Variants in LCLAT1 observed in about 807,000 individuals in gnomAD.
LCLAT1 encodes the protein 1-AGP acyltransferase 8.
LCLAT1 carries 11 observed loss-of-function variants against 30.7 expected under a neutral mutation model. That is an observed-to-expected ratio of 0.36 (90% confidence interval 0.23 to 0.59). The LOEUF (loss-of-function observed/expected upper bound fraction) is 0.59, where lower values mean the gene tolerates loss of function less well. Among genes scored for constraint, LCLAT1 ranks in the 20% least tolerant of loss-of-function variants. The pLI, the probability that LCLAT1 is intolerant of heterozygous loss-of-function variation, is 0.77. For synonymous variants in LCLAT1, 155 were observed against 151.3 expected (o/e 1.02, Z -0.18); for missense variants, 402 against 458.6 (o/e 0.88, Z 1.13).
chr2:30,455,309 A>G (rs764049919), intron 1 of LCLAT1, among the ~76,000 whole-genome samples: 14 of 152,074 alleles, frequency 9.2e-5, no homozygotes, highest in Non-Finnish European at 2.1e-4. Flanking sequence ...AGATGGGGAG[A>G]TATTTATACT....
chr2:30,538,033 A>G (rs1663881603), intron 3 of LCLAT1, among the ~76,000 whole-genome samples: 1 of 152,198 alleles, frequency 6.6e-6, no homozygotes, highest in African/African-American at 2.4e-5. Context: ...GAAGCAAATG[A>G]AAATAGAAAC....
At chr2:30,532,723 T>TA (rs1686042195) in intron 2 of LCLAT1, among the ~76,000 whole-genome samples, 1 of 148,336 alleles carries the variant, frequency 6.7e-6, no homozygotes, top group South Asian at 2.1e-4. Flanking sequence ...CTTTCCGGGA[T>TA]TTTTTTTTTT....
At chr2:30,608,393 T>C (rs1667567793) in intron 5 of LCLAT1, among the ~76,000 whole-genome samples, 1 of 152,022 alleles carries the variant, frequency 6.6e-6, no homozygotes, top group Admixed American at 6.6e-5. Context: ...ATAAATTTAG[T>C]GTAGCCTAAG....
chr2:30,460,337 T>C (rs1455224586), intron 1 of LCLAT1, among the ~76,000 whole-genome samples: 1 of 152,220 alleles, frequency 6.6e-6, no homozygotes, highest in Non-Finnish European at 1.5e-5. Flanking sequence ...CATATTCAGT[T>C]ACCTGCCAGG....
At chr2:30,618,767 T>G (rs1034820302) in intron 5 of LCLAT1, among the ~76,000 whole-genome samples, 2 of 152,218 alleles carry the variant, frequency 1.3e-5, no homozygotes, top group Non-Finnish European at 2.9e-5. Flanking sequence ...AGAAATAGAT[T>G]TAATAATGAA....
chr2:30,493,983 C>G (rs1422001047), intron 1 of LCLAT1, among the ~76,000 whole-genome samples: 1 of 151,636 alleles, frequency 6.6e-6, no homozygotes, highest in African/African-American at 2.4e-5. Context: ...TGAGATCCTC[C>G]CATCTCTACA....
At chr2:30,472,665 G>A (rs926448405) in intron 1 of LCLAT1, among the ~76,000 whole-genome samples, 3 of 152,172 alleles carry the variant, frequency 2.0e-5, no homozygotes, top group Non-Finnish European at 4.4e-5. Context: ...TATGCAAAAT[G>A]TTTATGGTAG....
chr2:30,494,733 A>T (rs943783603), intron 1 of LCLAT1, among the ~76,000 whole-genome samples: 3 of 151,008 alleles, frequency 2.0e-5, no homozygotes, highest in Non-Finnish European at 4.4e-5. Context: ...AAGGGATGCC[A>T]TGTCTTCTTA....
chr2:30,554,662 G>A (rs926359329), intron 3 of LCLAT1, among the ~76,000 whole-genome samples: 5 of 152,186 alleles, frequency 3.3e-5, no homozygotes, highest in Non-Finnish European at 7.4e-5. Context: ...TAAGCACACA[G>A]TAAACCTTTT....
At chr2:30,451,320 G>T (rs1000929783) in intron 1 of LCLAT1, among the ~76,000 whole-genome samples, 1 of 152,164 alleles carries the variant, frequency 6.6e-6, no homozygotes, top group Admixed American at 6.5e-5. Flanking sequence ...TATTGTTGGT[G>T]GGGATGTCAA....
intron 5 of LCLAT1, among the ~76,000 whole-genome samples, chr2:30,589,571 C>T (rs558850969): frequency 4.6e-5 from 7 of 152,156 alleles, no homozygotes; most frequent in African/African-American, 1.7e-4. Context: ...GAATGTCTTT[C>T]TCCTGTTCAT....
At chr2:30,616,301 A>G (rs1282982239) in intron 5 of LCLAT1, among the ~76,000 whole-genome samples, 1 of 152,162 alleles carries the variant, frequency 6.6e-6, no homozygotes, top group Admixed American at 6.6e-5. Context: ...AAAAGCAAAA[A>G]TACATCCTTC....
In LCLAT1 at chr2:30,538,471, A is replaced by G. The variant is rs1486081296; in HGVS notation, c.364+5157A>G. Among the ~76,000 whole-genome samples, 6 of 151,848 alleles carry G rather than the reference A, an allele frequency of 4.0e-5. No individual in the cohort carries two copies. In the South Asian group the frequency reaches 8.3e-4, roughly 21 times the overall value. On this transcript the variant is annotated intron_variant, in intron 3 of 5. Transcript: ENST00000379509. ...AGCCTGGCCAACATGATGAAACCCCATATCTACTAAAATACAAAAATTAGG... is the reference window on the plus strand; with the variant it reads ...AGCCTGGCCAACATGATGAAACCCCGTATCTACTAAAATACAAAAATTAGG...
intron 1 of LCLAT1, among the ~76,000 whole-genome samples, chr2:30,522,613 A>G (rs1330833990): frequency 6.6e-6 from 1 of 152,214 alleles, no homozygotes; most frequent in Non-Finnish European, 1.5e-5. Context: ...TGCCTGGCAC[A>G]CGGTAATTGG....
intron 3 of LCLAT1, among the ~76,000 whole-genome samples, chr2:30,543,742 A>C (rs1664261194): frequency 6.6e-6 from 1 of 152,050 alleles, no homozygotes; most frequent in African/African-American, 2.4e-5. Flanking sequence ...TCTGTGGTTA[A>C]TCCCTTCTTT....
In LCLAT1 at chr2:30,533,266, T is replaced by A. The variant is rs1478028945; in HGVS notation, c.316T>A (p.Leu106Met). 2 of 1,614,012 alleles carry A rather than the reference T, an allele frequency of 1.2e-6. No homozygotes were observed. The highest frequency in any genetic ancestry group is 1.7e-6 in the Non-Finnish European group (2 of 1,179,992). ...CCTGATGCGATATAGCTACCTCAGA[T>A]TGGAGAAAATTTGCCTCAAAGCGAG... is the stretch of plus-strand genomic sequence containing the variant. Reference protein sequence around the residue: ...NCLMRYSYLRLEKICLKASLK... With the variant: ...NCLMRYSYLRMEKICLKASLK... Residue 106 changes from leucine to methionine, a missense_variant, in exon 3 of 6, where the codon TTG (leucine) becomes ATG (methionine). Transcript: ENST00000379509.
rs1669419022 is a variant in LCLAT1 at position 30,643,416 on chromosome 2, TAGA to T, written c.*2802_*2804del. 7.1e-6 allele frequency: 1 copy of T among 140,932 alleles called. No homozygotes were observed. The highest frequency in any genetic ancestry group is 2.1e-4 in the East Asian group (1 of 4,720). The allele number at this position is 140,932 out of a possible 1,614,324, so 8.7% of individuals were successfully genotyped here. On this transcript the variant is annotated 3_prime_UTR_variant, in exon 6 of 6. Coordinates refer to ENST00000379509, the MANE Select transcript of LCLAT1 (RefSeq NM_001002257.3). ...AAGCCAAAATAATCCTAAAATTCAT[TAGA>T]AGAACTTGATAAAAGACTCAAATAA...
chr2:30,450,324 G>T (rs1432009063), intron 1 of LCLAT1, among the ~76,000 whole-genome samples: 1 of 152,190 alleles, frequency 6.6e-6, no homozygotes, highest in Non-Finnish European at 1.5e-5. Context: ...AGAGCTCATG[G>T]TGTCCAGGGG....
intron 1 of LCLAT1, among the ~76,000 whole-genome samples, chr2:30,452,293 A>C (rs776165905): frequency 6.6e-6 from 1 of 152,238 alleles, no homozygotes; most frequent in Non-Finnish European, 1.5e-5. Flanking sequence ...TTAAATGAGA[A>C]AAAACAGCAG....
Sources: allele counts gnomAD v4.1 joint callset (sites outside exome capture counted in the v4.1 genomes callset), GRCh38; gene constraint gnomAD v4.1.1; transcripts MANE v1.5; gene names NCBI Gene and HGNC (gene_info 2026-07-23, HGNC 2026-07-21).